NCOA2: variants seen among roughly 807,000 people sequenced by gnomAD.
The protein encoded by NCOA2 is nuclear receptor coactivator 2.
In NCOA2, 21 loss-of-function variants were observed where a neutral mutation model predicts 145.1. The observed-to-expected ratio is 0.14, with a 90% CI of 0.10 to 0.21. The LOEUF is 0.21. Among genes scored for constraint, NCOA2 ranks in the 10% least tolerant of loss-of-function variants. NCOA2 has a pLI of 1.00. For synonymous variants in NCOA2, 619 were observed against 637.5 expected (o/e 0.97, Z 0.44); for missense variants, 1,472 against 1,837.6 (o/e 0.80, Z 3.64).
At chr8:70,158,972 T>C (rs1462484540) in intron 10 of NCOA2, among the ~76,000 whole-genome samples, 2 of 151,390 alleles carry the variant, frequency 1.3e-5, no homozygotes, top group Non-Finnish European at 2.9e-5. Context: ...AAGGCTAAAA[T>C]TCAAAGTAGA....
chr8:70,256,362 C>T (rs2134901239), intron 2 of NCOA2, among the ~76,000 whole-genome samples: 1 of 152,296 alleles, frequency 6.6e-6, no homozygotes, highest in Non-Finnish European at 1.5e-5. Context: ...GTAAGTGAAT[C>T]TTGACAAGAA....
intron 10 of NCOA2, among the ~76,000 whole-genome samples, chr8:70,159,244 T>TATA: frequency 6.5e-4 from 45 of 69,282 alleles, no homozygotes; most frequent in Admixed American, 2.6e-3. Flanking sequence ...ATATATATAT[T>TATA]TTTTTTTTTT....
intron 1 of NCOA2, 150 bp from the exon 2 acceptor site, chr8:70,296,950 T>C (rs950974787): frequency 6.6e-6 from 1 of 152,254 alleles, no homozygotes; most frequent in African/African-American, 2.4e-5. Context: ...ACATCTCTTA[T>C]TAAATCGCAT....
chr8:70,302,141 C>G (rs1173288611), intron 1 of NCOA2, among the ~76,000 whole-genome samples: 1 of 151,920 alleles, frequency 6.6e-6, no homozygotes, highest in African/African-American at 2.4e-5. Context: ...GATTATTGAA[C>G]ATGATATTGT....
At chr8:70,357,598 A>G (rs6472519) in intron 1 of NCOA2, 21,027 of 152,358 alleles carry the variant, frequency 0.14, 2,577 homozygotes, top group African/African-American at 0.33. Context: ...AAAATTCGCC[A>G]GGCGTTGTGG....
chr8:70,163,879 T>C (rs1813325808), intron 7 of NCOA2, among the ~76,000 whole-genome samples: 2 of 151,774 alleles, frequency 1.3e-5, no homozygotes, highest in Admixed American at 6.6e-5. Flanking sequence ...TCTCCAGCAG[T>C]AGAAAAAAAA....
chr8:70,368,350 G>C (rs1810904565), intron 1 of NCOA2, among the ~76,000 whole-genome samples: 1 of 152,212 alleles, frequency 6.6e-6, no homozygotes, highest in African/African-American at 2.4e-5. Context: ...CTTTAACCAA[G>C]AGGCAATTTA....
chr8:70,249,636 A>AT (rs1396158461), intron 2 of NCOA2, among the ~76,000 whole-genome samples: 1 of 152,110 alleles, frequency 6.6e-6, no homozygotes, highest in Non-Finnish European at 1.5e-5. Context: ...GTTTGATATC[A>AT]TGTTCAGCAA....
intron 1 of NCOA2, among the ~76,000 whole-genome samples, chr8:70,388,933 T>C (rs1415931725): frequency 3.9e-5 from 6 of 152,198 alleles, no homozygotes; most frequent in Non-Finnish European, 4.4e-5. Flanking sequence ...TTTTTGCACA[T>C]TTCAAGTAAG....
the NCOA2 span, among the ~76,000 whole-genome samples, chr8:70,434,466 A>G: frequency 6.6e-6 from 1 of 152,222 alleles, no homozygotes; most frequent in Non-Finnish European, 1.5e-5. Flanking sequence ...TTGCTCTCTG[A>G]GAAAAGAAAA....
At chr8:70,305,156 G>C (rs1427726479) in intron 1 of NCOA2, among the ~76,000 whole-genome samples, 1 of 151,174 alleles carries the variant, frequency 6.6e-6, no homozygotes, top group Non-Finnish European at 1.5e-5. Context: ...CAAAGTGCTG[G>C]TTTTACAGGC....
At chr8:70,152,137 G>A (rs1266593146) in intron 11 of NCOA2, among the ~76,000 whole-genome samples, 1 of 152,208 alleles carries the variant, frequency 6.6e-6, no homozygotes, top group Admixed American at 6.5e-5. Flanking sequence ...GCTCAAATTA[G>A]CCACATCAAT....
At chr8:70,281,670 T>C (rs1825894855) in intron 2 of NCOA2, among the ~76,000 whole-genome samples, 1 of 152,140 alleles carries the variant, frequency 6.6e-6, no homozygotes, top group African/African-American at 2.4e-5. Context: ...AAGAGAAACA[T>C]AGCCTTCTCT....
intron 1 of NCOA2, among the ~76,000 whole-genome samples, chr8:70,383,587 C>A (rs1812404457): frequency 6.6e-6 from 1 of 152,120 alleles, no homozygotes; most frequent in Admixed American, 6.5e-5. Context: ...CTCACTGCAA[C>A]CTCTGCCTCC....
chr8:70,361,477 GA>G (rs1433232052), intron 1 of NCOA2, among the ~76,000 whole-genome samples: 1 of 142,958 alleles, frequency 7.0e-6, no homozygotes, highest in Non-Finnish European at 1.5e-5. Flanking sequence ...TCTCAAAAAA[GA>G]AAAAAAAAGA....
intron 4 of NCOA2, among the ~76,000 whole-genome samples, chr8:70,212,899 C>T (rs535024389): frequency 6.6e-6 from 1 of 151,948 alleles, no homozygotes; most frequent in South Asian, 2.1e-4. Context: ...CTGGCAAACA[C>T]GGTGAAACCC....
At chr8:70,403,840 C>T (rs1025758138), upstream of NCOA2, 18 of 394,338 alleles carry the variant, frequency 4.6e-5, no homozygotes, top group East Asian at 4.7e-4. Flanking sequence ...GAGATCCTCC[C>T]CCAACTCCCT....
the NCOA2 span, among the ~76,000 whole-genome samples, chr8:70,439,734 GC>G: frequency 3.3e-5 from 5 of 152,142 alleles, no homozygotes; most frequent in South Asian, 2.1e-4. Flanking sequence ...TACAATCTCA[GC>G]CCCGCGGAGG....
At chr8:70,356,329 G>C (rs916781747) in intron 1 of NCOA2, among the ~76,000 whole-genome samples, 9 of 152,146 alleles carry the variant, frequency 5.9e-5, no homozygotes, top group African/African-American at 2.2e-4. Flanking sequence ...AAGAGAAAGA[G>C]TTGATTGCTT....
Sources: allele counts gnomAD v4.1 joint callset (sites outside exome capture counted in the v4.1 genomes callset), GRCh38; gene constraint gnomAD v4.1.1; transcripts MANE v1.5; gene names NCBI Gene and HGNC (gene_info 2026-07-23, HGNC 2026-07-21).